Variants in FGFR4 observed in about 807,000 individuals in gnomAD.
FGFR4 encodes fibroblast growth factor receptor 4.
In FGFR4, 63 loss-of-function variants were observed where a neutral mutation model predicts 89.9. The ratio of observed to expected loss-of-function variants is 0.70; its 90% confidence interval spans 0.57 to 0.86. The LOEUF (loss-of-function observed/expected upper bound fraction) is 0.86, where lower values mean the gene tolerates loss of function less well. Among genes scored for constraint, FGFR4 ranks in the 40% least tolerant of loss-of-function variants. The pLI, the probability that FGFR4 is intolerant of heterozygous loss-of-function variation, is 0.00. For synonymous variants in FGFR4, 486 were observed against 479.4 expected, an observed-to-expected ratio of 1.01 and a Z score of -0.18; for missense variants, 928 against 1,106.7, an observed-to-expected ratio of 0.84 and a Z score of 2.29.
intron 5 of FGFR4, 21 bp from the exon 6 acceptor site, chr5:177,091,664 G>C (rs45581232): frequency 1.2e-6 from 2 of 1,613,506 alleles, no homozygotes; most frequent in Admixed American, 1.7e-5. Context: ...CGGTGGTCCC[G>C]GACACTCTCT....
chr5:177,097,723 T>C lies in FGFR4; in HGVS notation c.*47T>C, dbSNP rs1371822209. 7 of 1,592,348 alleles carry C rather than the reference T, an allele frequency of 4.4e-6. No individual in the cohort carries two copies. In the African/African-American group the frequency reaches 5.4e-5, roughly 12 times the overall value. On this transcript the variant is annotated 3_prime_UTR_variant, in exon 18 of 18. Transcript: ENST00000292408. ...GCACATAGGCTGGTGGCCTTGGGCCTTGGGGCTCAGCCACAGCCTGACACA... is the reference window on the plus strand; with the variant it reads ...GCACATAGGCTGGTGGCCTTGGGCCCTGGGGCTCAGCCACAGCCTGACACA...
In FGFR4 at chr5:177,087,915, G is replaced by A. The variant is rs1464781202; in HGVS notation, c.-54+838G>A. Reference sequence around the variant, plus strand: ...GCAGACGGTGTGACCAAAGAGATAGGCAGCGGCAGAGAGGGAGCCCTAGGA... The same window carrying A: ...GCAGACGGTGTGACCAAAGAGATAGACAGCGGCAGAGAGGGAGCCCTAGGA... On this transcript the variant is annotated intron_variant, in intron 1 of 17. Transcript: ENST00000292408. This position sits in a 1 kb window ranked among gnomAD's most constrained non-coding sequence, Gnocchi z 6.1. Among the ~76,000 whole-genome samples the A allele has an allele frequency of 6.6e-6, 1 of 152,172 alleles. No homozygotes were observed. The highest frequency in any genetic ancestry group is 2.4e-5 in the African/African-American group (1 of 41,430).
In FGFR4 at chr5:177,091,678, C is replaced by T. The variant is rs778225351; in HGVS notation, c.604-7C>T. The T allele has an allele frequency of 3.3e-5, 54 of 1,613,900 alleles. No individual in the cohort carries two copies. The highest frequency in any genetic ancestry group is 4.2e-5 in the Non-Finnish European group (50 of 1,179,990). ...CCGGTGGTCCCGGACACTCTCTCTG[C>T]CTGCAGCTGCGCCATCAGCACTGGA... On this transcript the variant is annotated splice_polypyrimidine_tract_variant and splice_region_variant and intron_variant, in intron 5 of 17. Coordinates refer to ENST00000292408, the MANE Select transcript of FGFR4 (RefSeq NM_213647.3).
chr5:177,087,439 ATGAGGGACC>A lies in FGFR4; in HGVS notation c.-54+368_-54+376del. 3.7e-6 allele frequency: 1 copy of A among 271,196 alleles called. No homozygotes were observed. The highest frequency in any genetic ancestry group is 5.6e-6 in the Non-Finnish European group (1 of 177,304). The allele number at this position is 271,196 out of a possible 1,614,324, so 16.8% of individuals were successfully genotyped here. The stretch of plus-strand genomic sequence containing the variant: ...GGCTGTCTTCGCGCCGGCGGCAGAG[ATGAGGGACC>A]TGAGGCCCCGAAAAGTTCAGTCACT... On this transcript the variant is annotated intron_variant, in intron 1 of 17. Coordinates refer to ENST00000292408, the MANE Select transcript of FGFR4 (RefSeq NM_213647.3). This position sits in a 1 kb window ranked among gnomAD's most constrained non-coding sequence, Gnocchi z 6.1.
Position 177,090,583 on chromosome 5 carries a change from T to G in FGFR4, c.285T>G (p.Asp95Glu). Residue 95 changes from aspartate to glutamate, a missense_variant, in exon 3 of 18, where the codon GAT (aspartate) becomes GAG (glutamate). Physicochemically the swap from Asp to Glu is conservative, Grantham distance 45. Coordinates refer to ENST00000292408, the MANE Select transcript of FGFR4 (RefSeq NM_213647.3). Reference protein sequence around the residue: ...RLEIASFLPEDAGRYLCLARG... With the variant: ...RLEIASFLPEEAGRYLCLARG... ...AGATTGCCAGCTTCCTACCTGAGGA[T>G]GCTGGCCGCTACCTCTGCCTGGCAC... is the stretch of plus-strand genomic sequence containing the variant. The G allele has an allele frequency of 6.6e-7, 1 of 1,524,548 alleles. No homozygotes were observed. The highest frequency in any genetic ancestry group is 8.8e-7 in the Non-Finnish European group (1 of 1,138,242). The allele number at this position is 1,524,548 out of a possible 1,614,324, so 94.4% of individuals were successfully genotyped here. A position where few individuals can be genotyped will look rare whatever the true frequency, so the allele number is the denominator to read the frequency against.
In FGFR4 at chr5:177,093,545, G is replaced by T. The variant is rs752246420; in HGVS notation, c.1391G>T (p.Arg464Leu). Reference sequence around the variant, plus strand: ...CTCGACCCACTATGGGAGTTCCCCCGGGACAGGTGCGCTGAGCTGTGTGGG... The same window carrying T: ...CTCGACCCACTATGGGAGTTCCCCCTGGACAGGTGCGCTGAGCTGTGTGGG... ...LPLDPLWEFP[R>L]DRLVLGKPLG... The change falls in exon 10 of 18, where the codon CGG becomes CTG. Residue 464 changes from arginine to leucine, a missense_variant. Arg to Leu is a moderately radical substitution (Grantham distance 102). Transcript: ENST00000292408. The surrounding 1 kb of genome is among the most constrained non-coding windows in gnomAD (Gnocchi z 5.8). 5 of 1,613,396 alleles carry T rather than the reference G, an allele frequency of 3.1e-6. No individual in the cohort carries two copies. Among genetic ancestry groups the T allele is most frequent in the Non-Finnish European group, 4.2e-6 (5 of 1,179,712 alleles).
chr5:177,092,501 A>C lies in FGFR4; in HGVS notation c.908A>C (p.Gln303Pro), dbSNP rs1163504632. Reference sequence around the variant, plus strand: ...GGAGCCGACGGTTTCCCCTATGTGCAAGTCCTAAAGGTAAAAGGTGCACCC... The same window carrying C: ...GGAGCCGACGGTTTCCCCTATGTGCCAGTCCTAAAGGTAAAAGGTGCACCC... ...SFGADGFPYV[Q>P]VLKTADINSS... Residue 303 changes from glutamine to proline, a missense_variant, in exon 7 of 18, where the codon CAA becomes CCA. Coordinates refer to ENST00000292408, the MANE Select transcript of FGFR4 (RefSeq NM_213647.3). 6.3e-7 allele frequency: 1 copy of C among 1,584,822 alleles called. No individual in the cohort carries two copies. Among genetic ancestry groups the C allele is most frequent in the Non-Finnish European group, 8.6e-7 (1 of 1,164,330 alleles).
chr5:177,087,699 G>T lies in FGFR4; in HGVS notation c.-54+622G>T. 1.1e-6 allele frequency: 1 copy of T among 947,100 alleles called. No homozygotes were observed. The highest frequency in any genetic ancestry group is 1.3e-6 in the Non-Finnish European group (1 of 794,974). 58.7% of individuals were successfully genotyped at this position (947,100 alleles called of 1,614,324 possible). A position where few individuals can be genotyped will look rare whatever the true frequency, so the allele number is the denominator to read the frequency against. On this transcript the variant is annotated intron_variant, in intron 1 of 17. Transcript: ENST00000292408. The surrounding 1 kb of genome is among the most constrained non-coding windows in gnomAD (Gnocchi z 6.1). ...GCCCAAGCTGTGTACCCAAAGAGCT[G>T]CCCTCCCTGCCAAGCCGAGCTTGGT...
At position 177,095,304 on chromosome 5, in the gene FGFR4, C is replaced by T; in HGVS notation, c.1520-26C>T. ...CCCTCGTGCAGTTGGAGGGCAGCCTCTTCACCCCGTCTGCTGCCCTTACAG... is the reference window on the plus strand; with the variant it reads ...CCCTCGTGCAGTTGGAGGGCAGCCTTTTCACCCCGTCTGCTGCCCTTACAG... On this transcript the variant is annotated intron_variant, in intron 11 of 17. Coordinates refer to ENST00000292408, the MANE Select transcript of FGFR4 (RefSeq NM_213647.3). This position sits in a 1 kb window ranked among gnomAD's most constrained non-coding sequence, Gnocchi z 5.7. 1 of 1,592,610 alleles carries T rather than the reference C, an allele frequency of 6.3e-7. No homozygotes were observed. Among genetic ancestry groups the T allele is most frequent in the Non-Finnish European group, 8.6e-7 (1 of 1,160,610 alleles).
Position 177,091,076 on chromosome 5 carries a change from A to T in FGFR4, c.575A>T (p.His192Leu), listed in dbSNP as rs1220305936. 6.3e-7 allele frequency: 1 copy of T among 1,595,168 alleles called. No homozygotes were observed. The highest frequency in any genetic ancestry group is 8.6e-7 in the Non-Finnish European group (1 of 1,165,068). The change falls in exon 5 of 18, where the codon CAT becomes CTT. Residue 192 changes from histidine (H) to leucine (L), a missense_variant. Physicochemically the swap from His to Leu is moderately conservative, Grantham distance 99. Coordinates refer to ENST00000292408, the MANE Select transcript of FGFR4 (RefSeq NM_213647.3). ...TGGCTTAAGGATGGACAGGCCTTTC[A>T]TGGGGAGAACCGCATTGGAGGCATT... ...IRWLKDGQAF[H>L]GENRIGGIRL...
chr5:177,097,656 G>A lies in FGFR4; in HGVS notation c.2389G>A (p.Gly797Arg), dbSNP rs200649056. 36 of 1,614,004 alleles carry A rather than the reference G, an allele frequency of 2.2e-5. No individual in the cohort carries two copies. In the African/African-American group the frequency reaches 3.1e-4, roughly 14 times the overall value. ...LPLGSSSFPFGSGVQT is the reference protein window; with the variant it reads ...LPLGSSSFPFRSGVQT ...ATTGGGATCCAGCTCCTTCCCCTTC[G>A]GGTCTGGGGTGCAGACATGAGCAAG... Residue 797 changes from glycine (G) to arginine (R), a missense_variant, in exon 18 of 18, where the codon GGG becomes AGG. Around this residue, in one of 5 missense-constraint regions of FGFR4, gnomAD observed 129 missense variants for 150.8 expected, o/e 0.86. Coordinates refer to ENST00000292408, the MANE Select transcript of FGFR4 (RefSeq NM_213647.3).
intron 8 of FGFR4, 78 bp downstream of exon 8, chr5:177,092,862 T>C: frequency 6.2e-7 from 1 of 1,606,758 alleles, no homozygotes; most frequent in Non-Finnish European, 8.5e-7. Flanking sequence ...TGTTGGGTGG[T>C]CAGTCTCTGT....
rs528846133 is a variant in FGFR4, at chr5:177,093,974, G to A, written c.1519+199G>A. On this transcript the variant is annotated intron_variant, in intron 11 of 17. Coordinates refer to ENST00000292408, the MANE Select transcript of FGFR4 (RefSeq NM_213647.3). This position sits in a 1 kb window ranked among gnomAD's most constrained non-coding sequence, Gnocchi z 5.8. ...TAGTCTCAGTTACTAGGGAGGCTGA[G>A]GCAGGAGGATCCCTTGAATCCAGGA... is the stretch of plus-strand genomic sequence containing the variant. Among the ~76,000 whole-genome samples, 1 of 152,300 alleles carries A rather than the reference G, an allele frequency of 6.6e-6. No homozygotes were observed. The highest frequency in any genetic ancestry group is 6.5e-5 in the Admixed American group (1 of 15,300).
Position 177,089,830 on chromosome 5 carries a change from T to C in FGFR4, c.91+137T>C, listed in dbSNP as rs748100389. ...TGGCGGCAGGGCAGGGCTCAACCAC[T>C]GAGACTCAGTCAGTGCCTGGCTTCC... On this transcript the variant is annotated intron_variant, in intron 2 of 17. Coordinates refer to ENST00000292408, the MANE Select transcript of FGFR4 (RefSeq NM_213647.3). 3.7e-6 allele frequency: 4 copies of C among 1,076,882 alleles called. No homozygotes were observed. In the South Asian group the frequency reaches 5.4e-5, roughly 15 times the overall value. 66.7% of individuals were successfully genotyped at this position (1,076,882 alleles called of 1,614,324 possible).
intron 11 of FGFR4, among the ~76,000 whole-genome samples, chr5:177,094,600 C>T (rs952193956): frequency 6.6e-6 from 1 of 151,770 alleles, no homozygotes; most frequent in Admixed American, 6.6e-5. Flanking sequence ...GGCCCAGCCC[C>T]GGGGTGCTCT....
At position 177,090,198 on chromosome 5, in the gene FGFR4, G is replaced by A. The variant is rs540823947; in HGVS notation, c.92-192G>A. 2.2e-4 allele frequency: 166 copies of A among 750,538 alleles called. No individual in the cohort carries two copies. In the African/African-American group the frequency reaches 2.5e-3, roughly 11 times the overall value. 46.5% of individuals were successfully genotyped at this position (750,538 alleles called of 1,614,324 possible). A position where few individuals can be genotyped will look rare whatever the true frequency, so the allele number is the denominator to read the frequency against. The stretch of plus-strand genomic sequence containing the variant: ...GCACTAAATGCTGTGTGTGTGACAT[G>A]CCCCAAGAGTGTGGCATTTGCCCTG... On this transcript the variant is annotated intron_variant, in intron 2 of 17. Coordinates refer to ENST00000292408, the MANE Select transcript of FGFR4 (RefSeq NM_213647.3).
rs2149732818 is a variant in FGFR4 at position 177,091,688 on chromosome 5, C to A, written c.607C>A (p.Arg203Ser). The change falls in exon 6 of 18, where the codon CGC becomes AGC. Residue 203 changes from arginine (R) to serine (S), a missense_variant. Arg to Ser is a moderately radical substitution (Grantham distance 110, BLOSUM62 -1). Around this residue, in one of 5 missense-constraint regions of FGFR4, gnomAD observed 741 missense variants for 836.9 expected, o/e 0.89. Coordinates refer to ENST00000292408, the MANE Select transcript of FGFR4 (RefSeq NM_213647.3). ...CGGACACTCTCTCTGCCTGCAGCTG[C>A]GCCATCAGCACTGGAGTCTCGTGAT... ...GENRIGGIRL[R>S]HQHWSLVMES... 6.2e-7 allele frequency: 1 copy of A among 1,614,150 alleles called. No individual in the cohort carries two copies. The highest frequency in any genetic ancestry group is 8.5e-7 in the Non-Finnish European group (1 of 1,180,004).
rs966075999 is a variant in FGFR4 at position 177,096,842 on chromosome 5, C to A, written c.2153+101C>A. 23 of 1,399,900 alleles carry A rather than the reference C, an allele frequency of 1.6e-5. 1 individual carries two copies. The highest frequency in any genetic ancestry group is 3.9e-5 in the Admixed American group (2 of 50,654). The allele number at this position is 1,399,900 out of a possible 1,614,324, so 86.7% of individuals were successfully genotyped here. ...GTCCCGGCCAGAAGGACAACACTAACAACAACTCCTCGTCCTCCTCCTCCT... is the reference window on the plus strand; with the variant it reads ...GTCCCGGCCAGAAGGACAACACTAAAAACAACTCCTCGTCCTCCTCCTCCT... On this transcript the variant is annotated intron_variant, in intron 16 of 17. Transcript: ENST00000292408.
In FGFR4 at chr5:177,091,611, G is replaced by A. The variant is rs1582010105; in HGVS notation, c.604-74G>A. The stretch of plus-strand genomic sequence containing the variant: ...ACAAGAGCCCTGTGGGCAGGATGAG[G>A]ATCTAGCCTCCTGGTCCTCTGGCCC... On this transcript the variant is annotated intron_variant, in intron 5 of 17. Coordinates refer to ENST00000292408, the MANE Select transcript of FGFR4 (RefSeq NM_213647.3). 5.0e-6 allele frequency: 8 copies of A among 1,584,668 alleles called. No individual in the cohort carries two copies. The East Asian group carries it at 1.6e-4, about 31-fold the overall frequency.
Sources: gnomAD v4.1 joint callset for allele counts (sites outside exome capture counted in the v4.1 genomes callset) on GRCh38, gnomAD v4.1.1 for gene constraint, gnomAD v4.1.1 regional missense constraint, Gnocchi (gnomAD v3.1) non-coding constraint, MANE v1.5 for transcripts, NCBI Gene and HGNC (gene_info 2026-07-23, HGNC 2026-07-21) for gene names.